MECOM: variants seen among roughly 807,000 people sequenced by gnomAD.
MECOM encodes MDS1 and EVI1 complex locus.
MECOM carries 13 observed loss-of-function variants against 116.3 expected under a neutral mutation model. That is an observed-to-expected ratio of 0.11 (90% CI 0.07 to 0.18). The LOEUF is 0.18. Among genes scored for constraint, MECOM ranks in the 10% least tolerant of loss-of-function variants. The pLI is 1.00. For missense variants in MECOM, 1,299 were observed against 1,509.0 expected (o/e 0.86, Z 2.31); for synonymous variants, 528 against 535.2 (o/e 0.99, Z 0.19).
chr3:169,622,487 G>A (rs549005537), intron 1 of MECOM, among the ~76,000 whole-genome samples: 2 of 152,178 alleles, frequency 1.3e-5, no homozygotes, highest in South Asian at 4.2e-4. Context: ...ACTTACTTTG[G>A]GTCACACGCT....
intron 1 of MECOM, among the ~76,000 whole-genome samples, chr3:169,581,877 T>C (rs1277943752): frequency 1.3e-5 from 2 of 152,242 alleles, no homozygotes; most frequent in Admixed American, 6.5e-5. Flanking sequence ...ATATGACTAA[T>C]GAAGTCGTGG....
chr3:169,103,877 T>C (rs1349769473), intron 10 of MECOM, among the ~76,000 whole-genome samples: 3 of 152,110 alleles, frequency 2.0e-5, no homozygotes, highest in Non-Finnish European at 4.4e-5. Flanking sequence ...GTTAGTTCTC[T>C]TTTTTCCCCC....
intron 1 of MECOM, among the ~76,000 whole-genome samples, chr3:169,578,958 T>G (rs1219675720): frequency 6.6e-6 from 1 of 152,190 alleles, no homozygotes; most frequent in Admixed American, 6.6e-5. Context: ...GGGGAAGTGT[T>G]GAAAGCTAGG....
At chr3:169,145,017 C>A in intron 2 of MECOM, 1 of 1,558,970 alleles carries the variant, frequency 6.4e-7, no homozygotes. Context: ...AAGAAAAACC[C>A]AGTGCTCCAA....
chr3:169,181,972 CAGAAG>C (rs2149397789), intron 2 of MECOM, among the ~76,000 whole-genome samples: 1 of 152,202 alleles, frequency 6.6e-6, no homozygotes, highest in African/African-American at 2.4e-5. Flanking sequence ...AATTCTTGCT[CAGAAG>C]AGGACCTTAG....
chr3:169,567,054 T>C (rs1763329957), intron 1 of MECOM, among the ~76,000 whole-genome samples: 1 of 152,238 alleles, frequency 6.6e-6, no homozygotes, highest in Non-Finnish European at 1.5e-5. Context: ...ATGGTTTATG[T>C]CGTTGCCTCA....
At chr3:169,439,027 G>T (rs928753255) in intron 1 of MECOM, among the ~76,000 whole-genome samples, 2 of 151,110 alleles carry the variant, frequency 1.3e-5, no homozygotes, top group African/African-American at 4.9e-5. Flanking sequence ...TTCATTTAGA[G>T]ATAGCATAAG....
chr3:169,246,523 T>TA (rs1560040946), intron 2 of MECOM, among the ~76,000 whole-genome samples: 1 of 148,056 alleles, frequency 6.8e-6, no homozygotes, highest in East Asian at 2.0e-4. Context: ...ACAGTACACA[T>TA]ACACTTTTTT....
intron 1 of MECOM, among the ~76,000 whole-genome samples, chr3:169,609,649 T>C (rs1769013534): frequency 6.6e-6 from 1 of 152,188 alleles, no homozygotes; most frequent in Admixed American, 6.5e-5. Context: ...TTATAGTCTC[T>C]GTAAATAAAA....
chr3:169,591,851 A>G (rs2109642111), intron 1 of MECOM, among the ~76,000 whole-genome samples: 1 of 152,292 alleles, frequency 6.6e-6, no homozygotes, highest in South Asian at 2.1e-4. Context: ...ATTGAAAACA[A>G]GCACTTTTTA....
chr3:169,546,609 G>A (rs533867595), intron 1 of MECOM, among the ~76,000 whole-genome samples: 14 of 152,274 alleles, frequency 9.2e-5, no homozygotes, highest in African/African-American at 3.4e-4. Context: ...ACTTCAAGAT[G>A]CAGCTCTCCT....
At chr3:169,184,420 T>C (rs1459876850) in intron 2 of MECOM, among the ~76,000 whole-genome samples, 2 of 152,132 alleles carry the variant, frequency 1.3e-5, no homozygotes, top group East Asian at 3.9e-4. Context: ...AGGGGAGAAA[T>C]GAAGCTAAAG....
chr3:169,199,328 G>A (rs1258957583), intron 2 of MECOM, among the ~76,000 whole-genome samples: 1 of 152,046 alleles, frequency 6.6e-6, no homozygotes, highest in East Asian at 1.9e-4. Flanking sequence ...ACAGTGAAGT[G>A]GAGATTGGCA....
chr3:169,625,909 A>G lies in MECOM; in HGVS notation c.37+37427T>C, dbSNP rs529750729. 2.2e-3 allele frequency among the ~76,000 whole-genome samples: 342 copies of G among 152,338 alleles called. 2 individuals carry two copies. Among genetic ancestry groups the G allele is most frequent in the Non-Finnish European group, 3.8e-3 (256 of 68,026 alleles). On this transcript the variant is annotated intron_variant, in intron 1 of 16. Transcript: ENST00000651503. ...AATACAAACCTCCCATTTCAGACCCAACTCAGATTTATTACCAAAAAAATT... is the reference window on the plus strand; with the variant it reads ...AATACAAACCTCCCATTTCAGACCCGACTCAGATTTATTACCAAAAAAATT...
chr3:169,158,768 G>A (rs1173822247), intron 2 of MECOM, among the ~76,000 whole-genome samples: 2 of 152,142 alleles, frequency 1.3e-5, no homozygotes, highest in Non-Finnish European at 2.9e-5. Flanking sequence ...TAAATTCACT[G>A]AATTTGGTTT....
intron 5 of MECOM, among the ~76,000 whole-genome samples, chr3:169,126,799 A>C (rs9826358): frequency 6.6e-6 from 1 of 151,878 alleles, no homozygotes; most frequent in Non-Finnish European, 1.5e-5. Context: ...TATAGGGCTA[A>C]ACATGAGGTG....
intron 1 of MECOM, among the ~76,000 whole-genome samples, chr3:169,486,654 G>T (rs1038146818): frequency 1.3e-5 from 2 of 151,962 alleles, no homozygotes; most frequent in Non-Finnish European, 2.9e-5. Flanking sequence ...AAAGAAAAAA[G>T]GCTATCTCCT....
chr3:169,526,411 C>A (rs867481396), intron 1 of MECOM, among the ~76,000 whole-genome samples: 1 of 152,084 alleles, frequency 6.6e-6, no homozygotes, highest in Non-Finnish European at 1.5e-5. Flanking sequence ...CTTAGGAAAA[C>A]GTTTTGACAC....
At chr3:169,595,100 C>A (rs1461981690) in intron 1 of MECOM, among the ~76,000 whole-genome samples, 1 of 151,888 alleles carries the variant, frequency 6.6e-6, no homozygotes, top group Non-Finnish European at 1.5e-5. Context: ...GTGGCTATGA[C>A]CTGAAATCAG....
Sources: gnomAD v4.1 joint callset for allele counts (sites outside exome capture counted in the v4.1 genomes callset) on GRCh38, gnomAD v4.1.1 for gene constraint, MANE v1.5 for transcripts, NCBI Gene and HGNC (gene_info 2026-07-23, HGNC 2026-07-21) for gene names.